PARP8: variants seen among roughly 807,000 people sequenced by gnomAD.
PARP8 encodes poly(ADP-ribose) polymerase family member 8, also known as protein mono-ADP-ribosyltransferase PARP8.
A neutral mutation model predicts 124.1 loss-of-function variants in PARP8; 51 were observed. The observed-to-expected ratio is 0.41, with a 90% CI of 0.33 to 0.52. PARP8 has a LOEUF of 0.52. Among genes scored for constraint, PARP8 ranks in the 20% least tolerant of loss-of-function variants. The pLI is 0.21. For missense variants in PARP8, 860 were observed against 1,018.9 expected, an observed-to-expected ratio of 0.84 and a Z score of 2.12; for synonymous variants, 391 against 361.5, an observed-to-expected ratio of 1.08 and a Z score of -0.93.
At chr5:50,709,248 C>T (rs1206862643) in intron 2 of PARP8, among the ~76,000 whole-genome samples, 1 of 151,782 alleles carries the variant, frequency 6.6e-6, no homozygotes, top group African/African-American at 2.4e-5. Flanking sequence ...TTCAAGATTT[C>T]TTCATTTTTA....
chr5:50,781,785 G>T (rs985991858), intron 9 of PARP8, among the ~76,000 whole-genome samples: 1 of 152,146 alleles, frequency 6.6e-6, no homozygotes, highest in African/African-American at 2.4e-5. Context: ...TAGCTACTCT[G>T]TTTCAGGTCT....
intron 2 of PARP8, among the ~76,000 whole-genome samples, chr5:50,693,677 T>C (rs1752727861): frequency 6.6e-6 from 1 of 151,512 alleles, no homozygotes; most frequent in Non-Finnish European, 1.5e-5. Context: ...ATCAATCATG[T>C]AAATTAAATT....
chr5:50,775,850 A>G (rs111703700), intron 7 of PARP8, among the ~76,000 whole-genome samples: 5 of 152,302 alleles, frequency 3.3e-5, no homozygotes, highest in African/African-American at 9.6e-5. Flanking sequence ...AACAGGAACA[A>G]TTTGACGTCC....
intron 7 of PARP8, among the ~76,000 whole-genome samples, chr5:50,766,808 G>A (rs1323183762): frequency 1.3e-5 from 2 of 151,992 alleles, no homozygotes; most frequent in African/African-American, 4.8e-5. Context: ...GTGGCTTAAG[G>A]AACGTATATC....
At position 50,788,524 on chromosome 5, in the gene PARP8, G is replaced by C. The variant is rs1302553155; in HGVS notation, c.672G>C (p.Val224=). 5 of 1,612,558 alleles carry C rather than the reference G, an allele frequency of 3.1e-6. No individual in the cohort carries two copies. Among genetic ancestry groups the C allele is most frequent in the Non-Finnish European group, 4.2e-6 (5 of 1,179,138 alleles). Residue 224 remains valine (V), a splice_region_variant and synonymous_variant, in exon 10 of 26, where the codon GTG becomes GTC. Coordinates refer to ENST00000281631, the MANE Select transcript of PARP8 (RefSeq NM_024615.4). ...CSLTQYLNGP[V]PTVDVFQIST... ...ACTGTGATCCTTTTTCCTTTCCAGT[G>C]CCCACTGTTGATGTCTTTCAGATTT...
chr5:50,701,219 A>G (rs1416240455), intron 2 of PARP8, among the ~76,000 whole-genome samples: 1 of 152,120 alleles, frequency 6.6e-6, no homozygotes, highest in East Asian at 1.9e-4. Flanking sequence ...GAATGATAAA[A>G]TGGAACGGGT....
chr5:50,831,390 T>A (rs1746966380), intron 22 of PARP8, among the ~76,000 whole-genome samples: 1 of 152,130 alleles, frequency 6.6e-6, no homozygotes, highest in Non-Finnish European at 1.5e-5. Context: ...CTGGCAGGCC[T>A]GAGACAGCCT....
chr5:50,760,760 A>T (rs756172099), intron 5 of PARP8, among the ~76,000 whole-genome samples: 1 of 152,118 alleles, frequency 6.6e-6, no homozygotes, highest in Non-Finnish European at 1.5e-5. Flanking sequence ...CTGAGGTTGT[A>T]CATAGTCTTA....
At chr5:50,761,955 C>A in intron 6 of PARP8, 57 bp downstream of exon 6, 1 of 1,145,284 alleles carries the variant, frequency 8.7e-7, no homozygotes, top group Admixed American at 1.9e-5. Flanking sequence ...GCCATGTTGT[C>A]CTAGTGGTAA....
chr5:50,825,963 G>A (rs1216925764), intron 18 of PARP8, among the ~76,000 whole-genome samples: 1 of 152,042 alleles, frequency 6.6e-6, no homozygotes, highest in African/African-American at 2.4e-5. Context: ...CTTTGTATCT[G>A]TTATGATCTG....
At chr5:50,673,228 T>C (rs1320518036) in intron 2 of PARP8, among the ~76,000 whole-genome samples, 1 of 152,306 alleles carries the variant, frequency 6.6e-6, no homozygotes, top group Non-Finnish European at 1.5e-5. Context: ...TCTTCATATC[T>C]TTTTTAAAAT....
At chr5:50,707,655 GAGAGA>G (rs1754297202) in intron 2 of PARP8, among the ~76,000 whole-genome samples, 1 of 151,314 alleles carries the variant, frequency 6.6e-6, no homozygotes, top group African/African-American at 2.4e-5. Context: ...GAGAGAGAGA[GAGAGA>G]GAGAAAATGC....
rs1379475792 is a variant in PARP8 at position 50,696,614 on chromosome 5, C to T, written c.146+28489C>T. 2.0e-5 allele frequency among the ~76,000 whole-genome samples: 3 copies of T among 152,188 alleles called. No individual in the cohort carries two copies. In the East Asian group the frequency reaches 5.8e-4, roughly 29 times the overall value. ...CTCTGATATCTGTCCTTTGTCCTTACTACTCTGATAGGCCACCTTCTATTT... is the reference window on the plus strand; with the variant it reads ...CTCTGATATCTGTCCTTTGTCCTTATTACTCTGATAGGCCACCTTCTATTT... On this transcript the variant is annotated intron_variant, in intron 2 of 25. Coordinates refer to ENST00000281631, the MANE Select transcript of PARP8 (RefSeq NM_024615.4).
At chr5:50,747,158 G>GTTTTTTTTTTTTTT (rs1370932889) in intron 2 of PARP8, among the ~76,000 whole-genome samples, 6 of 82,200 alleles carry the variant, frequency 7.3e-5, no homozygotes, top group African/African-American at 2.4e-4. Context: ...TTGTTTGTTT[G>GTTTTTTTTTTTTTT]TTTTGTTTTT....
At chr5:50,822,454 T>A (rs961580435) in intron 17 of PARP8, 54 bp downstream of exon 17, 1 of 1,367,296 alleles carries the variant, frequency 7.3e-7, no homozygotes, top group Non-Finnish European at 1.0e-6. Context: ...CTGAGAGTTC[T>A]AGCTATGTAG....
At chr5:50,819,382 A>T (rs1745480534) in intron 15 of PARP8, among the ~76,000 whole-genome samples, 1 of 140,212 alleles carries the variant, frequency 7.1e-6, no homozygotes, top group African/African-American at 2.7e-5. Flanking sequence ...CATCTGTGTC[A>T]TTCCCCTCCT....
intron 2 of PARP8, chr5:50,744,959 T>G (rs1310109107): frequency 3.6e-6 from 2 of 550,864 alleles, no homozygotes; most frequent in Non-Finnish European, 6.5e-6. Context: ...TCCACGTTTT[T>G]TTGGTACTAC....
In PARP8 at chr5:50,750,124, G is replaced by A. The variant is rs1428159375; in HGVS notation, c.147-27G>A. 6 of 1,533,246 alleles carry A rather than the reference G, an allele frequency of 3.9e-6. No homozygotes were observed. The South Asian group carries it at 4.6e-5, about 12-fold the overall frequency. 95.0% of individuals were successfully genotyped at this position (1,533,246 alleles called of 1,614,324 possible). On this transcript the variant is annotated intron_variant, in intron 2 of 25. Transcript: ENST00000281631. ...CCTGTCTACCTTAGCAATAACTTGA[G>A]CCTTTTTTGTTTGTTTGTTTTAACA...
chr5:50,828,079 G>C (rs1020865871), intron 20 of PARP8, 23 bp downstream of exon 20: 2 of 1,490,564 alleles, frequency 1.3e-6, no homozygotes, highest in African/African-American at 1.4e-5. Context: ...TAATGTTAAT[G>C]GGGGTGTGCT....
Sources: allele counts gnomAD v4.1 joint callset (sites outside exome capture counted in the v4.1 genomes callset), GRCh38; gene constraint gnomAD v4.1.1; transcripts MANE v1.5; gene names NCBI Gene and HGNC (gene_info 2026-07-23, HGNC 2026-07-21).